NTNG2: variants seen among roughly 807,000 people sequenced by gnomAD.
The protein encoded by NTNG2 is netrin G2.
Under a neutral mutation model 47.6 loss-of-function variants are expected in NTNG2, and 15 were observed. The observed-to-expected ratio is 0.32, with a 90% CI of 0.21 to 0.49. The LOEUF is 0.49. Among genes scored for constraint, NTNG2 ranks in the 20% least tolerant of loss-of-function variants. The pLI is 0.99. For synonymous variants in NTNG2, 307 were observed against 324.6 expected (o/e 0.95, Z 0.58); for missense variants, 578 against 764.6 (o/e 0.76, Z 2.88).
At chr9:132,217,519 C>CT (rs1195497383) in intron 3 of NTNG2, among the ~76,000 whole-genome samples, 1 of 152,164 alleles carries the variant, frequency 6.6e-6, no homozygotes, top group East Asian at 1.9e-4. Context: ...GCCTCATTTC[C>CT]TTGTCTGTGA....
At chr9:132,230,482 C>A in intron 4 of NTNG2, 90 bp from the exon 5 acceptor site, 2 of 1,246,622 alleles carry the variant, frequency 1.6e-6, no homozygotes, top group Non-Finnish European at 2.3e-6. Flanking sequence ...CCTCCAGGTG[C>A]TCCCCTGCCC....
At chr9:132,167,421 T>C (rs994075004) in intron 2 of NTNG2, among the ~76,000 whole-genome samples, 3 of 152,256 alleles carry the variant, frequency 2.0e-5, no homozygotes, top group Non-Finnish European at 4.4e-5. Context: ...TGCAACATGA[T>C]ACTGTAAGCT....
rs1311010318 is a variant in NTNG2, at chr9:132,218,261, G to T, written c.858-8588G>T. On this transcript the variant is annotated intron_variant, in intron 3 of 7. Coordinates refer to ENST00000393229, the MANE Select transcript of NTNG2 (RefSeq NM_032536.4). The surrounding 1 kb of genome is among the most constrained non-coding windows in gnomAD (Gnocchi z 5.4). ...CAAGTCCTGCGTCTGCCCCTTACCAGCTGTGGAACCTCAGGCAGCTCACTT... is the reference window on the plus strand; with the variant it reads ...CAAGTCCTGCGTCTGCCCCTTACCATCTGTGGAACCTCAGGCAGCTCACTT... Among the ~76,000 whole-genome samples, 1 of 152,202 alleles carries T rather than the reference G, an allele frequency of 6.6e-6. No individual in the cohort carries two copies. Among genetic ancestry groups the T allele is most frequent in the Non-Finnish European group, 1.5e-5 (1 of 68,040 alleles).
chr9:132,211,849 G>T (rs1839613905), intron 3 of NTNG2, among the ~76,000 whole-genome samples: 1 of 152,206 alleles, frequency 6.6e-6, no homozygotes, highest in South Asian at 2.1e-4. Flanking sequence ...CAGGGATGGG[G>T]TCTGGCTTGT....
At chr9:132,191,214 C>A (rs1405117906) in intron 2 of NTNG2, among the ~76,000 whole-genome samples, 1 of 152,164 alleles carries the variant, frequency 6.6e-6, no homozygotes, top group Admixed American at 6.5e-5. Flanking sequence ...GTCAGCCGTT[C>A]CCGGGACAGT....
intron 7 of NTNG2, 122 bp from the exon 8 acceptor site, chr9:132,241,754 G>A: frequency 1.5e-6 from 1 of 672,192 alleles, no homozygotes; most frequent in Non-Finnish European, 2.3e-6. Context: ...CGCGCCTGGA[G>A]CCTCCTACAT....
At chr9:132,184,555 C>T (rs1487577684) in intron 2 of NTNG2, among the ~76,000 whole-genome samples, 1 of 152,236 alleles carries the variant, frequency 6.6e-6, no homozygotes, top group Non-Finnish European at 1.5e-5. Context: ...GAGCTGTAGA[C>T]AGAAGATGGC....
intron 4 of NTNG2, among the ~76,000 whole-genome samples, chr9:132,227,447 T>C (rs1840861936): frequency 6.6e-6 from 1 of 152,124 alleles, no homozygotes; most frequent in Non-Finnish European, 1.5e-5. Flanking sequence ...GTGGCCCCCA[T>C]GGGATGGCAG....
At chr9:132,201,420 G>A (rs755709416) in intron 3 of NTNG2, among the ~76,000 whole-genome samples, 5 of 152,224 alleles carry the variant, frequency 3.3e-5, no homozygotes, top group South Asian at 2.1e-4. Context: ...CGTTGAACTC[G>A]GTTGGGTTAG....
chr9:132,206,670 AAAAT>A (rs1172325199), intron 3 of NTNG2, among the ~76,000 whole-genome samples: 1 of 152,258 alleles, frequency 6.6e-6, no homozygotes, highest in Admixed American at 6.5e-5. Flanking sequence ...CCGTCTCAAA[AAAAT>A]AAATAAATAA....
chr9:132,188,390 G>A (rs1017421217), intron 2 of NTNG2, among the ~76,000 whole-genome samples: 2 of 152,338 alleles, frequency 1.3e-5, no homozygotes, highest in Admixed American at 1.3e-4. Context: ...AGGCAACAGC[G>A]TCCTTTCCCT....
chr9:132,188,265 G>T (rs1393078887), intron 2 of NTNG2, among the ~76,000 whole-genome samples: 1 of 152,254 alleles, frequency 6.6e-6, no homozygotes, highest in Non-Finnish European at 1.5e-5. Flanking sequence ...CCGTCCTGGT[G>T]AGGCTGAGGG....
Position 132,215,958 on chromosome 9 carries a change from G to T in NTNG2, c.858-10891G>T, listed in dbSNP as rs954354185. On this transcript the variant is annotated intron_variant, in intron 3 of 7. Transcript: ENST00000393229. This position sits in a 1 kb window ranked among gnomAD's most constrained non-coding sequence, Gnocchi z 4.2. Reference sequence around the variant, plus strand: ...CCAGACCCAGTGCTGAGCCCTCGAGGGTACCAGCTCAGCTTGCCCTTCCCT... The same window carrying T: ...CCAGACCCAGTGCTGAGCCCTCGAGTGTACCAGCTCAGCTTGCCCTTCCCT... Among the ~76,000 whole-genome samples, 3 of 152,132 alleles carry T rather than the reference G, an allele frequency of 2.0e-5. No homozygotes were observed. The highest frequency in any genetic ancestry group is 7.2e-5 in the African/African-American group (3 of 41,422).
intron 3 of NTNG2, 108 bp downstream of exon 3, chr9:132,198,717 G>A (rs1457760625): frequency 8.5e-7 from 1 of 1,176,608 alleles, no homozygotes; most frequent in Non-Finnish European, 1.2e-6. Context: ...AACATGACCG[G>A]GTTCTTGGGA....
At position 132,221,693 on chromosome 9, in the gene NTNG2, G is replaced by A. The variant is rs1213086413; in HGVS notation, c.858-5156G>A. Among the ~76,000 whole-genome samples, 2 of 152,202 alleles carry A rather than the reference G, an allele frequency of 1.3e-5. No homozygotes were observed. Among genetic ancestry groups the A allele is most frequent in the South Asian group, 2.1e-4 (1 of 4,834 alleles). The stretch of plus-strand genomic sequence containing the variant: ...CTGATAGGAGGGGCTGGCCAGGATG[G>A]AGCCTGGGCAGAGCCAGCTGGGGAG... On this transcript the variant is annotated intron_variant, in intron 3 of 7. Coordinates refer to ENST00000393229, the MANE Select transcript of NTNG2 (RefSeq NM_032536.4). The surrounding 1 kb of genome is among the most constrained non-coding windows in gnomAD (Gnocchi z 4.2).
At chr9:132,201,568 C>A (rs1023308296) in intron 3 of NTNG2, among the ~76,000 whole-genome samples, 1 of 152,166 alleles carries the variant, frequency 6.6e-6, no homozygotes, top group South Asian at 2.1e-4. Context: ...TGAGTGGGCA[C>A]CAGGGACCCC....
At position 132,188,874 on chromosome 9, in the gene NTNG2, G is replaced by T. The variant is rs73661555; in HGVS notation, c.214-9092G>T. Among the ~76,000 whole-genome samples the T allele has an allele frequency of 9.8e-3, 1,487 of 152,292 alleles. 35 individuals are homozygous for T. The highest frequency in any genetic ancestry group is 0.033 in the African/African-American group (1,372 of 41,558). On this transcript the variant is annotated intron_variant, in intron 2 of 7. Coordinates refer to ENST00000393229, the MANE Select transcript of NTNG2 (RefSeq NM_032536.4). ...GGGGCTGGGGCTGGAGTGGGGACAG[G>T]ATCAGATGTGGTCGCTGCCCGCATG... is the stretch of plus-strand genomic sequence containing the variant.
chr9:132,179,288 G>T (rs1465802040), intron 2 of NTNG2, among the ~76,000 whole-genome samples: 1 of 152,260 alleles, frequency 6.6e-6, no homozygotes, highest in Non-Finnish European at 1.5e-5. Context: ...TTCAGGGTCA[G>T]TGAGGGTGAT....
In NTNG2 at chr9:132,240,954, G is replaced by A; in HGVS notation, c.1267G>A (p.Glu423Lys). The stretch of plus-strand genomic sequence containing the variant: ...AGGCTCCGTGCACGACCGGTGCAAC[G>A]AGACCGGCTTCTGCGAGTGCCGCGA... ...QIGSVHDRCN[E>K]TGFCECREGA... Residue 423 changes from glutamate to lysine, a missense_variant, in exon 7 of 8, where the codon GAG becomes AAG. Physicochemically the swap from Glu to Lys is moderately conservative, Grantham distance 56. Transcript: ENST00000393229. 2 of 1,612,600 alleles carry A rather than the reference G, an allele frequency of 1.2e-6. No individual in the cohort carries two copies. Among genetic ancestry groups the A allele is most frequent in the South Asian group, 1.1e-5 (1 of 91,076 alleles).
Sources: gnomAD v4.1 joint callset for allele counts (sites outside exome capture counted in the v4.1 genomes callset) on GRCh38, gnomAD v4.1.1 for gene constraint, Gnocchi (gnomAD v3.1) non-coding constraint, MANE v1.5 for transcripts, NCBI Gene and HGNC (gene_info 2026-07-23, HGNC 2026-07-21) for gene names.